OSBPL3: variants seen among roughly 807,000 people sequenced by gnomAD.
OSBPL3 encodes the protein oxysterol-binding protein-related protein 3.
Under a neutral mutation model 120.1 loss-of-function variants are expected in OSBPL3, and 65 were observed. That is an observed-to-expected ratio of 0.54 (90% CI 0.44 to 0.67). The LOEUF is 0.67. Among genes scored for constraint, OSBPL3 ranks in the 30% least tolerant of loss-of-function variants. The pLI is 0.00. For missense variants in OSBPL3, 1,004 were observed against 1,082.1 expected (o/e 0.93, Z 1.01); for synonymous variants, 416 against 402.6 (o/e 1.03, Z -0.40).
At position 24,800,086 on chromosome 7, in the gene OSBPL3, C is replaced by A; in HGVS notation, c.*97G>T. ...TGCTAAGCTAAGCACAAGTGATCAT[C>A]CTAGAGTATCTTTTAAATATATAAA... On this transcript the variant is annotated 3_prime_UTR_variant, in exon 23 of 23. Transcript: ENST00000313367. The A allele has an allele frequency of 1.5e-6, 1 of 684,704 alleles. No homozygotes were observed. The highest frequency in any genetic ancestry group is 2.6e-6 in the Non-Finnish European group (1 of 377,950). The allele number at this position is 684,704 out of a possible 1,614,324, so 42.4% of individuals were successfully genotyped here.
At chr7:24,828,605 T>TG (rs1795974564) in intron 16 of OSBPL3, among the ~76,000 whole-genome samples, 2 of 59,542 alleles carry the variant, frequency 3.4e-5, no homozygotes, top group Non-Finnish European at 6.5e-5. Context: ...AGACTCTGTC[T>TG]GAAAAAAAAA....
intron 2 of OSBPL3, among the ~76,000 whole-genome samples, chr7:24,875,194 G>A (rs771580351): frequency 2.0e-5 from 3 of 152,190 alleles, no homozygotes; most frequent in Non-Finnish European, 4.4e-5. Context: ...AAGTATTTTC[G>A]CATGGTTTTT....
rs901709750 is a variant in OSBPL3, at chr7:24,936,055, T to A, written c.-149-43434A>T. Among the ~76,000 whole-genome samples, 15 of 146,074 alleles carry A rather than the reference T, an allele frequency of 1.0e-4. No homozygotes were observed. Among genetic ancestry groups the A allele is most frequent in the Middle Eastern group, 3.5e-3 (1 of 282 alleles). ...CCCCTCCCCAGGAATCTTTTTTTTT[T>A]ATCACCATTTAATTCATTCTTAAGA... On this transcript the variant is annotated intron_variant, in intron 1 of 22. Coordinates refer to ENST00000313367, the MANE Select transcript of OSBPL3 (RefSeq NM_015550.4). The surrounding 1 kb of genome is among the most constrained non-coding windows in gnomAD (Gnocchi z 4.2).
chr7:24,967,761 G>A lies in OSBPL3; in HGVS notation c.-150+12125C>T, dbSNP rs1464896165. Among the ~76,000 whole-genome samples, 5 of 152,050 alleles carry A rather than the reference G, an allele frequency of 3.3e-5. No individual in the cohort carries two copies. Among genetic ancestry groups the A allele is most frequent in the Non-Finnish European group, 7.4e-5 (5 of 68,026 alleles). ...GGGACCTGCCCCAAAGGTTCTATAGGTAAAGGCCCCCTTAACTGTCACAAT... is the reference window on the plus strand; with the variant it reads ...GGGACCTGCCCCAAAGGTTCTATAGATAAAGGCCCCCTTAACTGTCACAAT... On this transcript the variant is annotated intron_variant, in intron 1 of 22. Transcript: ENST00000313367. The surrounding 1 kb of genome is among the most constrained non-coding windows in gnomAD (Gnocchi z 5.6).
At chr7:24,853,170 GA>G (rs200110862) in intron 10 of OSBPL3, among the ~76,000 whole-genome samples, 1,563 of 152,246 alleles carry the variant, frequency 0.01, 34 homozygotes, top group Admixed American at 0.046. Context: ...CCAAAGACTG[GA>G]AAGGGTTAAA....
At chr7:24,929,349 A>G (rs1353384145) in intron 1 of OSBPL3, among the ~76,000 whole-genome samples, 3 of 152,200 alleles carry the variant, frequency 2.0e-5, no homozygotes, top group Non-Finnish European at 2.9e-5. Flanking sequence ...TTGTCATTAA[A>G]TAGTTGCTAA....
Sources: allele counts gnomAD v4.1 joint callset (sites outside exome capture counted in the v4.1 genomes callset), GRCh38; gene constraint gnomAD v4.1.1; non-coding constraint Gnocchi (gnomAD v3.1); transcripts MANE v1.5; gene names NCBI Gene and HGNC (gene_info 2026-07-23, HGNC 2026-07-21).